MKLN1: variants seen among roughly 807,000 people sequenced by gnomAD.
MKLN1 encodes muskelin 1.
MKLN1 carries 18 observed loss-of-function variants against 99.0 expected under a neutral mutation model. The ratio of observed to expected loss-of-function variants is 0.18; its 90% CI spans 0.13 to 0.27. The LOEUF (loss-of-function observed/expected upper bound fraction) is 0.27. Ranked by LOEUF, MKLN1 falls within the 10% of genes least tolerant of loss-of-function variation. The pLI is 1.00. For synonymous variants in MKLN1, 288 were observed against 293.2 expected (o/e 0.98, Z 0.18); for missense variants, 621 against 875.9 (o/e 0.71, Z 3.67).
At chr7:131,207,541 G>C (rs7788916) in intron 3 of MKLN1, among the ~76,000 whole-genome samples, 25,755 of 152,172 alleles carry the variant, frequency 0.17, 2,398 homozygotes, top group African/African-American at 0.22. Flanking sequence ...TTGCCAAACA[G>C]GCATTTTGGA....
chr7:131,247,872 T>TTTTTGTTTTGTTTTG (rs149673100), intron 3 of MKLN1, among the ~76,000 whole-genome samples: 13,117 of 151,596 alleles, frequency 0.087, 640 homozygotes, highest in East Asian at 0.17. Flanking sequence ...GCTACTGCCT[T>TTTTTGTTTTGTTTTG]TTTTGTTTTG....
intron 1 of MKLN1, among the ~76,000 whole-genome samples, chr7:131,140,200 C>A (rs1008594133): frequency 6.6e-6 from 1 of 152,196 alleles, no homozygotes; most frequent in Non-Finnish European, 1.5e-5. Flanking sequence ...CTTGCTCGAT[C>A]TCTTGATAGC....
chr7:131,397,861 G>A (rs948084624), intron 5 of MKLN1, among the ~76,000 whole-genome samples: 6 of 152,252 alleles, frequency 3.9e-5, no homozygotes, highest in Middle Eastern at 3.4e-3. Context: ...GTAGTCAACA[G>A]GGTTAAAAAA....
intron 3 of MKLN1, among the ~76,000 whole-genome samples, chr7:131,286,061 G>C (rs1031046352): frequency 6.6e-6 from 1 of 150,478 alleles, no homozygotes; most frequent in Non-Finnish European, 1.5e-5. Context: ...AGCGATTCTC[G>C]TGCCTCCACC....
chr7:131,197,528 A>G (rs918315901), intron 2 of MKLN1, among the ~76,000 whole-genome samples: 3 of 151,320 alleles, frequency 2.0e-5, no homozygotes, highest in Non-Finnish European at 4.4e-5. Context: ...GGTTACAGGC[A>G]TGAACCACTG....
intron 8 of MKLN1, among the ~76,000 whole-genome samples, chr7:131,423,991 A>G (rs1250521562): frequency 1.3e-5 from 2 of 152,212 alleles, no homozygotes; most frequent in East Asian, 1.9e-4. Flanking sequence ...TCAGTTGATG[A>G]TCTGCTGGGT....
intron 3 of MKLN1, among the ~76,000 whole-genome samples, chr7:131,209,426 G>T (rs142535779): frequency 6.6e-6 from 1 of 152,196 alleles, no homozygotes; most frequent in Non-Finnish European, 1.5e-5. Context: ...GATGAGGAGC[G>T]CTGGGTGTAT....
At chr7:131,311,547 A>C (rs1035907087) in intron 3 of MKLN1, among the ~76,000 whole-genome samples, 8 of 152,220 alleles carry the variant, frequency 5.3e-5, no homozygotes, top group Admixed American at 2.0e-4. Context: ...AATATGCCTA[A>C]TATTCCTCTC....
intron 8 of MKLN1, among the ~76,000 whole-genome samples, chr7:131,417,519 A>T (rs1795054047): frequency 6.6e-6 from 1 of 152,228 alleles, no homozygotes; most frequent in South Asian, 2.1e-4. Context: ...CCATTGCCAC[A>T]TATAGTGTGG....
At chr7:131,396,191 G>A (rs1316510059) in intron 4 of MKLN1, among the ~76,000 whole-genome samples, 3 of 152,046 alleles carry the variant, frequency 2.0e-5, no homozygotes, top group Admixed American at 2.0e-4. Context: ...TCTTGCCACA[G>A]CCTCCCAAGT....
intron 6 of MKLN1, among the ~76,000 whole-genome samples, chr7:131,407,273 C>G (rs1291609392): frequency 6.6e-6 from 1 of 151,972 alleles, no homozygotes; most frequent in Non-Finnish European, 1.5e-5. Context: ...TACTTTCCAA[C>G]TGCTTATATC....
chr7:131,343,590 A>G (rs1799471570), intron 1 of MKLN1, among the ~76,000 whole-genome samples: 2 of 152,148 alleles, frequency 1.3e-5, no homozygotes, highest in Non-Finnish European at 2.9e-5. Context: ...CTGTTTATTT[A>G]TAGTTTCTTT....
intron 2 of MKLN1, among the ~76,000 whole-genome samples, chr7:131,154,941 TGGGGGA>T (rs1314190665): frequency 6.6e-6 from 1 of 152,120 alleles, no homozygotes; most frequent in Non-Finnish European, 1.5e-5. Flanking sequence ...TAAGTGGCAG[TGGGGGA>T]GAGAGTGACT....
chr7:131,359,701 G>A (rs533746066), intron 1 of MKLN1, among the ~76,000 whole-genome samples: 19 of 151,772 alleles, frequency 1.3e-4, no homozygotes, highest in African/African-American at 3.9e-4. Flanking sequence ...TTGGAGAATT[G>A]ACAGTTTTTA....
chr7:131,132,331 G>T (rs185034600), intron 1 of MKLN1, among the ~76,000 whole-genome samples: 1 of 152,208 alleles, frequency 6.6e-6, no homozygotes, highest in East Asian at 1.9e-4. Context: ...ATACCAGATG[G>T]AGAGAATTGT....
chr7:131,271,925 T>G (rs1478296974), intron 3 of MKLN1, among the ~76,000 whole-genome samples: 1 of 145,658 alleles, frequency 6.9e-6, no homozygotes, highest in Non-Finnish European at 1.5e-5. Context: ...AAAAAAAAAA[T>G]CAAAGATTTG....
In MKLN1 at chr7:131,408,271, A is replaced by G. The variant is rs1794768377; in HGVS notation, c.704-3035A>G. On this transcript the variant is annotated intron_variant, in intron 6 of 17. Transcript: ENST00000352689. Reference sequence around the variant, plus strand: ...TATTGACTATTATATTCTTACTGGTATAATATTGCCCTTTTTTTCAGAATT... The same window carrying G: ...TATTGACTATTATATTCTTACTGGTGTAATATTGCCCTTTTTTTCAGAATT... Among the ~76,000 whole-genome samples, 3 of 152,194 alleles carry G rather than the reference A, an allele frequency of 2.0e-5. No homozygotes were observed. The South Asian group carries it at 6.2e-4, about 31-fold the overall frequency.
rs1185866963 is a variant in MKLN1 at position 131,414,720 on chromosome 7, A to G, written c.847+10A>G. ...ATTGATGTTCAAACAGGTGAGTAGC[A>G]GTTGCAGTGGAAAGCAAAATCTTCA... On this transcript the variant is annotated intron_variant, in intron 8 of 17. Transcript: ENST00000352689. 6 of 1,582,154 alleles carry G rather than the reference A, an allele frequency of 3.8e-6. No individual in the cohort carries two copies. Among genetic ancestry groups the G allele is most frequent in the Non-Finnish European group, 5.2e-6 (6 of 1,164,894 alleles).
In MKLN1 at chr7:131,421,725, G is replaced by A. The variant is rs555969075; in HGVS notation, c.847+7015G>A. 3.3e-5 allele frequency among the ~76,000 whole-genome samples: 5 copies of A among 151,800 alleles called. 1 individual carries two copies. Among genetic ancestry groups the A allele is most frequent in the Non-Finnish European group, 7.4e-5 (5 of 67,950 alleles). On this transcript the variant is annotated intron_variant, in intron 8 of 17. Coordinates refer to ENST00000352689, the MANE Select transcript of MKLN1 (RefSeq NM_013255.5). Reference sequence around the variant, plus strand: ...AGGAATTTTCTTTTGTGTGTTTTTTGCATAATTTGACAAAATTTCACTATG... The same window carrying A: ...AGGAATTTTCTTTTGTGTGTTTTTTACATAATTTGACAAAATTTCACTATG...
Sources: allele counts gnomAD v4.1 joint callset (sites outside exome capture counted in the v4.1 genomes callset), GRCh38; gene constraint gnomAD v4.1.1; transcripts MANE v1.5; gene names NCBI Gene and HGNC (gene_info 2026-07-23, HGNC 2026-07-21).